The following THEMIS variants were observed in gnomAD, a reference collection of about 807,000 sequenced individuals.
The protein encoded by THEMIS is protein THEMIS.
Under a neutral mutation model 52.6 loss-of-function variants are expected in THEMIS, and 37 were observed. The observed-to-expected ratio is 0.70, with a 90% CI of 0.54 to 0.93. The LOEUF (loss-of-function observed/expected upper bound fraction) is 0.93. Ranked by LOEUF, THEMIS falls within the 40% of genes least tolerant of loss-of-function variation. The probability of loss-of-function intolerance (pLI) is 0.00; values close to 1 mark genes in which losing one functional copy is unlikely to be tolerated. For synonymous variants in THEMIS, 292 were observed against 272.7 expected (o/e 1.07, Z -0.70); for missense variants, 808 against 763.1 (o/e 1.06, Z -0.69).
chr6:127,803,398 C>CTTT (rs11372729), intron 4 of THEMIS, among the ~76,000 whole-genome samples: 1 of 151,828 alleles, frequency 6.6e-6, no homozygotes, highest in African/African-American at 2.4e-5. Context: ...GATCTGCTTT[C>CTTT]TTTTTTTTCT....
intron 4 of THEMIS, among the ~76,000 whole-genome samples, chr6:127,802,253 C>G (rs1275285477): frequency 6.6e-6 from 1 of 152,116 alleles, no homozygotes; most frequent in Admixed American, 6.6e-5. Context: ...AGAAGATATA[C>G]CCTTGACCAA....
At chr6:127,833,519 C>T (rs1175773799) in intron 2 of THEMIS, among the ~76,000 whole-genome samples, 1 of 152,142 alleles carries the variant, frequency 6.6e-6, no homozygotes, top group African/African-American at 2.4e-5. Flanking sequence ...TTGCATCCTG[C>T]CACCAAGCCA....
intron 4 of THEMIS, among the ~76,000 whole-genome samples, chr6:127,790,133 G>T (rs1335743275): frequency 1.3e-5 from 2 of 152,184 alleles, no homozygotes; most frequent in African/African-American, 4.8e-5. Context: ...AAACCCCATT[G>T]TCTCATCCCA....
the THEMIS span, among the ~76,000 whole-genome samples, chr6:127,703,008 G>T: frequency 8.6e-6 from 1 of 116,444 alleles, no homozygotes; most frequent in Non-Finnish European, 1.9e-5. Context: ...ATTTTGTAAC[G>T]TTGCAAAAAC....
chr6:127,726,440 A>G (rs1457088249), intron 4 of THEMIS, among the ~76,000 whole-genome samples: 3 of 152,152 alleles, frequency 2.0e-5, no homozygotes, highest in South Asian at 4.1e-4. Flanking sequence ...CATATCATAT[A>G]TCAAAGATCT....
At chr6:127,775,940 G>A (rs372545727) in intron 4 of THEMIS, among the ~76,000 whole-genome samples, 6 of 152,020 alleles carry the variant, frequency 3.9e-5, no homozygotes, top group Admixed American at 2.0e-4. Flanking sequence ...CTCTCAGATT[G>A]GCACTTTTGT....
At chr6:127,766,192 A>G (rs769516131) in intron 4 of THEMIS, among the ~76,000 whole-genome samples, 27 of 152,240 alleles carry the variant, frequency 1.8e-4, no homozygotes, top group Admixed American at 6.5e-5. Flanking sequence ...AGTCAGGTCC[A>G]TTATATTGCA....
At chr6:127,757,421 C>T (rs896435568) in intron 4 of THEMIS, among the ~76,000 whole-genome samples, 6 of 151,704 alleles carry the variant, frequency 4.0e-5, no homozygotes, top group Non-Finnish European at 4.4e-5. Flanking sequence ...TAGCTATAGA[C>T]GTAGACTATA....
intron 1 of THEMIS, among the ~76,000 whole-genome samples, chr6:127,889,120 A>G (rs184106087): frequency 1.3e-5 from 2 of 152,226 alleles, no homozygotes; most frequent in East Asian, 3.9e-4. Flanking sequence ...TTAGCAACAT[A>G]GGCTATTGAA....
chr6:127,860,316 C>A (rs1452446824), intron 1 of THEMIS, among the ~76,000 whole-genome samples: 1 of 152,106 alleles, frequency 6.6e-6, no homozygotes, highest in East Asian at 1.9e-4. Flanking sequence ...TGGATACTCC[C>A]AGTTGGACAC....
At position 127,849,138 on chromosome 6, in the gene THEMIS, A is replaced by C. The variant is rs528069615; in HGVS notation, c.250+5892T>G. On this transcript the variant is annotated intron_variant, in intron 2 of 5. Transcript: ENST00000368248. The stretch of plus-strand genomic sequence containing the variant: ...GGAAGGGATCCAGTTTCAGCTTTCT[A>C]CATATGGCTAGCCAGTTTTCCCAGC... Among the ~76,000 whole-genome samples, 10 of 152,110 alleles carry C rather than the reference A, an allele frequency of 6.6e-5. No individual in the cohort carries two copies. The East Asian group carries it at 1.7e-3, about 27-fold the overall frequency.
chr6:127,772,316 A>C (rs1044692301), intron 4 of THEMIS, among the ~76,000 whole-genome samples: 5 of 151,694 alleles, frequency 3.3e-5, no homozygotes. Flanking sequence ...TATTTTTTTC[A>C]TTTTTGCCCC....
At chr6:127,810,710 G>A (rs959231312) in intron 4 of THEMIS, among the ~76,000 whole-genome samples, 3 of 152,030 alleles carry the variant, frequency 2.0e-5, no homozygotes, top group African/African-American at 4.8e-5. Flanking sequence ...CCCTCCAATC[G>A]TGCCTCTAGT....
intron 4 of THEMIS, among the ~76,000 whole-genome samples, chr6:127,753,138 T>A (rs2114346758): frequency 6.6e-6 from 1 of 152,056 alleles, no homozygotes; most frequent in South Asian, 2.1e-4. Context: ...AAAAACTCAT[T>A]AATTAGGTGT....
At chr6:127,900,705 T>C (rs1052016163) in intron 1 of THEMIS, 137 bp downstream of exon 1, 5 of 739,786 alleles carry the variant, frequency 6.8e-6, no homozygotes, top group Non-Finnish European at 1.2e-5. Context: ...CGTTGGTCAG[T>C]TCATTACTTT....
At chr6:127,896,959 A>C (rs1780986821) in intron 1 of THEMIS, among the ~76,000 whole-genome samples, 1 of 151,524 alleles carries the variant, frequency 6.6e-6, no homozygotes, top group Non-Finnish European at 1.5e-5. Context: ...AATTGATGTA[A>C]GGATAGCAAG....
intron 5 of THEMIS, among the ~76,000 whole-genome samples, chr6:127,715,992 A>C (rs1774145736): frequency 6.6e-6 from 1 of 151,810 alleles, no homozygotes; most frequent in Non-Finnish European, 1.5e-5. Context: ...CTTGGGTTTC[A>C]TTTTCTAGCC....
chr6:127,797,895 A>G (rs1218243415), intron 4 of THEMIS, among the ~76,000 whole-genome samples: 1 of 152,226 alleles, frequency 6.6e-6, no homozygotes, highest in Non-Finnish European at 1.5e-5. Context: ...CAAGTCCTGC[A>G]TACACAGTTC....
intron 1 of THEMIS, among the ~76,000 whole-genome samples, chr6:127,876,147 T>C (rs552517655): frequency 1.2e-4 from 18 of 152,298 alleles, no homozygotes; most frequent in African/African-American, 4.3e-4. Context: ...TTTCCTCAGT[T>C]GTCACAGAGT....
Sources: allele counts gnomAD v4.1 joint callset (sites outside exome capture counted in the v4.1 genomes callset), GRCh38; gene constraint gnomAD v4.1.1; transcripts MANE v1.5; gene names NCBI Gene and HGNC (gene_info 2026-07-23, HGNC 2026-07-21).